The following PCDHA4 variants were observed in gnomAD, a reference collection of about 807,000 sequenced individuals.
PCDHA4 encodes the protein protocadherin alpha 4.
Under a neutral mutation model 61.4 loss-of-function variants are expected in PCDHA4, and 49 were observed. That is an observed-to-expected ratio of 0.80 (90% CI 0.63 to 1.01). PCDHA4 has a LOEUF of 1.01. Among genes scored for constraint, PCDHA4 ranks in the 50% least tolerant of loss-of-function variants. PCDHA4 has a pLI of 0.00. For synonymous variants in PCDHA4, 590 were observed against 550.3 expected (o/e 1.07, Z -1.01); for missense variants, 1,254 against 1,235.8 (o/e 1.01, Z -0.22).
chr5:140,928,994 T>C, intron 1 of PCDHA4: 1 of 1,613,992 alleles, frequency 6.2e-7, no homozygotes. Context: ...TGCTTACTTT[T>C]CTTCGTGTGT....
intron 1 of PCDHA4, among the ~76,000 whole-genome samples, chr5:140,945,169 AAAAT>A (rs1302154201): frequency 2.0e-5 from 3 of 152,164 alleles, no homozygotes; most frequent in Non-Finnish European, 4.4e-5. Context: ...AACTATCTGA[AAAAT>A]AAATCAAGAA....
chr5:140,896,113 T>A (rs10053583), intron 1 of PCDHA4, among the ~76,000 whole-genome samples: 2,120 of 152,286 alleles, frequency 0.014, 43 homozygotes, highest in African/African-American at 0.049. Flanking sequence ...GCCTGGCCAA[T>A]GTACTGCATT....
chr5:140,830,913 T>G (rs1357987465), intron 1 of PCDHA4: 2 of 152,364 alleles, frequency 1.3e-5, no homozygotes, highest in African/African-American at 4.8e-5. Flanking sequence ...CACTTTCCAT[T>G]TCAATGTTTT....
At chr5:140,812,199 AG>A (rs1349362619) in intron 1 of PCDHA4, 6 of 151,156 alleles carry the variant, frequency 4.0e-5, no homozygotes, top group Non-Finnish European at 7.4e-5. Context: ...TCTCCTTACT[AG>A]TTACAGCTTT....
In PCDHA4 at chr5:140,903,474, C is replaced by T. The variant is rs1257250947; in HGVS notation, c.2386-75475C>T. Among the ~76,000 whole-genome samples, 4 of 152,106 alleles carry T rather than the reference C, an allele frequency of 2.6e-5. No homozygotes were observed. In the East Asian group the frequency reaches 7.7e-4, roughly 29 times the overall value. The stretch of plus-strand genomic sequence containing the variant: ...ATCAAACTTAAAATATTATTCCTTG[C>T]ATTATAGTTCTGAGCAGGTACCATA... On this transcript the variant is annotated intron_variant, in intron 1 of 3. Transcript: ENST00000530339.
At chr5:140,906,709 GC>G (rs1228410148) in intron 1 of PCDHA4, among the ~76,000 whole-genome samples, 7 of 152,190 alleles carry the variant, frequency 4.6e-5, no homozygotes, top group African/African-American at 1.4e-4. Context: ...TTGTAGTCCT[GC>G]CTGGATTGTG....
At chr5:140,979,937 A>G (rs563499415) in intron 2 of PCDHA4, among the ~76,000 whole-genome samples, 1 of 152,388 alleles carries the variant, frequency 6.6e-6, no homozygotes, top group African/African-American at 2.4e-5. Context: ...GTATGTGTAG[A>G]GTTAATGTGA....
At chr5:140,830,049 A>G in intron 1 of PCDHA4, 1 of 1,613,626 alleles carries the variant, frequency 6.2e-7, no homozygotes, top group East Asian at 2.2e-5. Flanking sequence ...CTGGTGAAAG[A>G]CCACGGTGAG....
intron 3 of PCDHA4, 116 bp downstream of exon 3, chr5:140,982,679 C>T: frequency 7.0e-7 from 1 of 1,436,546 alleles, no homozygotes; most frequent in Non-Finnish European, 9.2e-7. Flanking sequence ...TTGTTATTCC[C>T]TTTTTTCCAT....
chr5:140,928,148 A>G (rs1228039818), intron 1 of PCDHA4: 1 of 1,614,054 alleles, frequency 6.2e-7, no homozygotes, highest in African/African-American at 1.3e-5. Context: ...ACGGCCTCAG[A>G]TAGTGGCTCA....
intron 1 of PCDHA4, chr5:140,858,677 T>A (rs1480959792): frequency 3.2e-6 from 2 of 629,026 alleles, no homozygotes; most frequent in African/African-American, 3.7e-5. Context: ...TTATTCTGAA[T>A]ACACTAATAT....
In PCDHA4 at chr5:140,955,830, T is replaced by G. The variant is rs564870909; in HGVS notation, c.2386-23119T>G. Among the ~76,000 whole-genome samples, 9 of 152,318 alleles carry G rather than the reference T, an allele frequency of 5.9e-5. No individual in the cohort carries two copies. The South Asian group carries it at 1.9e-3, about 32-fold the overall frequency. Reference sequence around the variant, plus strand: ...TGTCCACTGTGATTTCCTTGAGCAGTGGTTTGTCATTCTCCTTGAAGAGGT... The same window carrying G: ...TGTCCACTGTGATTTCCTTGAGCAGGGGTTTGTCATTCTCCTTGAAGAGGT... On this transcript the variant is annotated intron_variant, in intron 1 of 3. Coordinates refer to ENST00000530339, the MANE Select transcript of PCDHA4 (RefSeq NM_018907.4).
chr5:141,002,049 A>G (rs1288460436), intron 3 of PCDHA4, among the ~76,000 whole-genome samples: 1 of 152,228 alleles, frequency 6.6e-6, no homozygotes, highest in Non-Finnish European at 1.5e-5. Flanking sequence ...CTGGGCATCC[A>G]GAGGCAGCAG....
intron 1 of PCDHA4, chr5:140,881,341 G>C (rs1422783424): frequency 1.5e-5 from 15 of 984,968 alleles, no homozygotes; most frequent in Non-Finnish European, 1.7e-5. Flanking sequence ...ACGCCGATTC[G>C]GGCTACAATG....
At position 140,838,077 on chromosome 5, in the gene PCDHA4, A is replaced by T. The variant is rs13165987; in HGVS notation, c.2385+28505A>T. ...TTTCCACTTTAAGTTATATATATATAGTGTGTGTGTGTGTGTGTGTGTGTG... is the reference window on the plus strand; with the variant it reads ...TTTCCACTTTAAGTTATATATATATTGTGTGTGTGTGTGTGTGTGTGTGTG... On this transcript the variant is annotated intron_variant, in intron 1 of 3. Coordinates refer to ENST00000530339, the MANE Select transcript of PCDHA4 (RefSeq NM_018907.4). 6.6e-3 allele frequency among the ~76,000 whole-genome samples: 531 copies of T among 80,680 alleles called. 3 individuals carry two copies. The highest frequency in any genetic ancestry group is 0.029 in the Middle Eastern group (4 of 136). The allele number at this position is 80,680 out of a possible 152,430, so 52.9% of individuals were successfully genotyped here. A position where few individuals can be genotyped will look rare whatever the true frequency, so the allele number is the denominator to read the frequency against.
chr5:140,927,280 C>G, intron 1 of PCDHA4: 1 of 1,614,178 alleles, frequency 6.2e-7, no homozygotes, highest in Non-Finnish European at 8.5e-7. Flanking sequence ...CGGCGACGTG[C>G]AGCTGCACAT....
At chr5:140,945,034 C>T (rs1218648203) in intron 1 of PCDHA4, among the ~76,000 whole-genome samples, 1 of 152,066 alleles carries the variant, frequency 6.6e-6, no homozygotes, top group East Asian at 1.9e-4. Flanking sequence ...ACATAATTAT[C>T]TTTGGTCTTA....
At chr5:140,971,435 T>A (rs1188604248) in intron 1 of PCDHA4, among the ~76,000 whole-genome samples, 1 of 152,190 alleles carries the variant, frequency 6.6e-6, no homozygotes, top group Non-Finnish European at 1.5e-5. Flanking sequence ...AACCCCAAGA[T>A]CTACAGCTCC....
intron 1 of PCDHA4, among the ~76,000 whole-genome samples, chr5:140,879,426 G>T (rs2057986144): frequency 6.6e-6 from 1 of 152,302 alleles, no homozygotes; most frequent in South Asian, 2.1e-4. Flanking sequence ...GAATGGAGAT[G>T]AACATTTAAG....
Sources: allele counts gnomAD v4.1 joint callset (sites outside exome capture counted in the v4.1 genomes callset), GRCh38; gene constraint gnomAD v4.1.1; transcripts MANE v1.5; gene names NCBI Gene and HGNC (gene_info 2026-07-23, HGNC 2026-07-21).